Variants in MYCN observed in about 807,000 individuals in gnomAD.
MYCN encodes the protein N-myc proto-oncogene protein.
MYCN carries 3 observed loss-of-function variants against 28.1 expected under a neutral mutation model. The ratio of observed to expected loss-of-function variants is 0.11; its 90% CI spans 0.05 to 0.28. The LOEUF (loss-of-function observed/expected upper bound fraction) is 0.28, where lower values mean the gene tolerates loss of function less well. Among genes scored for constraint, MYCN ranks in the 10% least tolerant of loss-of-function variants. The probability of loss-of-function intolerance (pLI) is 1.00; values close to 1 mark genes in which losing one functional copy is unlikely to be tolerated. For missense variants in MYCN, 572 were observed against 651.4 expected, an observed-to-expected ratio of 0.88 and a Z score of 1.33; for synonymous variants, 326 against 288.3, an observed-to-expected ratio of 1.13 and a Z score of -1.32.
rs984467548 is a variant in MYCN at position 15,946,008 on chromosome 2, G to A, written c.1306G>A (p.Glu436Lys). The A allele has an allele frequency of 9.3e-6, 15 of 1,614,076 alleles. No individual in the cohort carries two copies. Among genetic ancestry groups the A allele is most frequent in the African/African-American group, 1.3e-5 (1 of 74,940 alleles). ...TGAGTATGTCCACTCCCTCCAGGCC[G>A]AGGAGCACCAGCTTTTGCTGGAAAA... ...ATEYVHSLQA[E>K]EHQLLLEKEK... Residue 436 changes from glutamate to lysine, a missense_variant, in exon 3 of 3, where the codon GAG (glutamate) becomes AAG (lysine). Glu to Lys is a moderately conservative substitution (Grantham distance 56). Around this residue, in one of 3 missense-constraint regions of MYCN, gnomAD observed 61 missense variants for 81.6 expected, o/e 0.75. Coordinates refer to ENST00000281043, the MANE Select transcript of MYCN (RefSeq NM_005378.6).
chr2:15,942,190 G>T lies in MYCN; in HGVS notation c.126G>T (p.Ser42=), dbSNP rs1175110749. 8.1e-6 allele frequency: 13 copies of T among 1,613,522 alleles called. No homozygotes were observed. The highest frequency in any genetic ancestry group is 1.1e-5 in the Non-Finnish European group (13 of 1,179,982). The change falls in exon 2 of 3, where the codon TCG becomes TCT. Residue 42 remains serine, a synonymous_variant. Transcript: ENST00000281043. This position sits in a 1 kb window ranked among gnomAD's most constrained non-coding sequence, Gnocchi z 7.0. The stretch of plus-strand genomic sequence containing the variant: ...ACTTCTACTTCGGCGGCCCCGACTC[G>T]ACCCCCCCGGGGGAGGACATCTGGA... The part of the protein sequence containing the change: ...EDDFYFGGPD[S]TPPGEDIWKK...
At position 15,945,419 on chromosome 2, in the gene MYCN, A is replaced by AT; in HGVS notation, c.791-73dup. The AT allele has an allele frequency of 6.6e-7, 1 of 1,523,046 alleles. No individual in the cohort carries two copies. The highest frequency in any genetic ancestry group is 8.9e-7 in the Non-Finnish European group (1 of 1,122,180). 94.3% of individuals were successfully genotyped at this position (1,523,046 alleles called of 1,614,324 possible). A position where few individuals can be genotyped will look rare whatever the true frequency, so the allele number is the denominator to read the frequency against. ...TGCCGGAAGAGACAGATAAGCATACATATTAACATGGATATATATGTGAAT... is the reference window on the plus strand; with the variant it reads ...TGCCGGAAGAGACAGATAAGCATACATTATTAACATGGATATATATGTGAAT... On this transcript the variant is annotated intron_variant, in intron 2 of 2. Transcript: ENST00000281043. This position sits in a 1 kb window ranked among gnomAD's most constrained non-coding sequence, Gnocchi z 4.8.
Position 15,942,727 on chromosome 2 carries a change from G to A in MYCN, c.663G>A (p.Ser221=). 7.1e-6 allele frequency: 9 copies of A among 1,267,926 alleles called. No homozygotes were observed. The highest frequency in any genetic ancestry group is 1.6e-5 in the African/African-American group (1 of 64,142). The allele number at this position is 1,267,926 out of a possible 1,614,324, so 78.5% of individuals were successfully genotyped here. Residue 221 remains serine (S), a synonymous_variant, in exon 2 of 3, where the codon TCG becomes TCA. Transcript: ENST00000281043. The surrounding 1 kb of genome is among the most constrained non-coding windows in gnomAD (Gnocchi z 7.0). ...SAPAAGPAVA[S]GAGIAAPAGA... Reference sequence around the variant, plus strand: ...CGGCGGCGGGCCCTGCGGTCGCCTCGGGGGCGGGTATTGCCGCCCCAGCCG... The same window carrying A: ...CGGCGGCGGGCCCTGCGGTCGCCTCAGGGGCGGGTATTGCCGCCCCAGCCG...
Position 15,945,814 on chromosome 2 carries a change from G to T in MYCN, c.1112G>T (p.Ser371Ile). ...ATCCCCCCAAAGGCTAAGAGCTTGA[G>T]CCCCCGAAACTCTGACTCGGAGGAC... ...SVIPPKAKSLSPRNSDSEDSE... is the reference protein window; with the variant it reads ...SVIPPKAKSLIPRNSDSEDSE... The change falls in exon 3 of 3, where the codon AGC becomes ATC. Residue 371 changes from serine (S) to isoleucine (I), a missense_variant. Transcript: ENST00000281043. This position sits in a 1 kb window ranked among gnomAD's most constrained non-coding sequence, Gnocchi z 4.8. The T allele has an allele frequency of 6.2e-7, 1 of 1,614,038 alleles. No individual in the cohort carries two copies. The highest frequency in any genetic ancestry group is 8.5e-7 in the Non-Finnish European group (1 of 1,180,042).
At position 15,941,834 on chromosome 2, in the gene MYCN, A is replaced by G; in HGVS notation, c.-117-114A>G. The stretch of plus-strand genomic sequence containing the variant: ...TCCTCCACCTTCGGGAGCAGTGGGC[A>G]GAGTGGGGGGCTTGGAGGGAAGATT... On this transcript the variant is annotated intron_variant, in intron 1 of 2. Coordinates refer to ENST00000281043, the MANE Select transcript of MYCN (RefSeq NM_005378.6). The surrounding 1 kb of genome is among the most constrained non-coding windows in gnomAD (Gnocchi z 4.8). 1.7e-6 allele frequency: 1 copy of G among 599,014 alleles called. No individual in the cohort carries two copies. Among genetic ancestry groups the G allele is most frequent in the Non-Finnish European group, 3.0e-6 (1 of 336,734 alleles). The allele number at this position is 599,014 out of a possible 1,614,324, so 37.1% of individuals were successfully genotyped here. A position where few individuals can be genotyped will look rare whatever the true frequency, so the allele number is the denominator to read the frequency against.
intron 1 of MYCN, 26 bp downstream of exon 1, chr2:15,940,769 C>G (rs977752936): frequency 2.5e-6 from 1 of 398,522 alleles, no homozygotes; most frequent in African/African-American, 2.1e-5. Context: ...TGCAAACCGC[C>G]CGGCGCCCAG....
At position 15,945,363 on chromosome 2, in the gene MYCN, G is replaced by A; in HGVS notation, c.791-130G>A. 4 of 1,031,754 alleles carry A rather than the reference G, an allele frequency of 3.9e-6. No individual in the cohort carries two copies. Among genetic ancestry groups the A allele is most frequent in the Non-Finnish European group, 5.9e-6 (4 of 680,380 alleles). The allele number at this position is 1,031,754 out of a possible 1,614,324, so 63.9% of individuals were successfully genotyped here. On this transcript the variant is annotated intron_variant, in intron 2 of 2. Transcript: ENST00000281043. This position sits in a 1 kb window ranked among gnomAD's most constrained non-coding sequence, Gnocchi z 4.8. ...CAAAACTGTCCACATCTATGTTGAT[G>A]GACCCATAAAAATAGCAGTCTGCCA...
chr2:15,941,876 G>A lies in MYCN; in HGVS notation c.-117-72G>A, dbSNP rs1176330618. On this transcript the variant is annotated intron_variant, in intron 1 of 2. Coordinates refer to ENST00000281043, the MANE Select transcript of MYCN (RefSeq NM_005378.6). The surrounding 1 kb of genome is among the most constrained non-coding windows in gnomAD (Gnocchi z 4.8). ...GGGAAGATTGGGGAACCTGGTTAGAGGGGGCGCCCATTGCCTATCCCCTCG... is the reference window on the plus strand; with the variant it reads ...GGGAAGATTGGGGAACCTGGTTAGAAGGGGCGCCCATTGCCTATCCCCTCG... 6.1e-6 allele frequency: 4 copies of A among 651,720 alleles called. No homozygotes were observed. Among genetic ancestry groups the A allele is most frequent in the South Asian group, 3.8e-5 (2 of 53,136 alleles). 40.4% of individuals were successfully genotyped at this position (651,720 alleles called of 1,614,324 possible).
intron 2 of MYCN, among the ~76,000 whole-genome samples, chr2:15,944,758 T>A (rs993068367): frequency 6.6e-6 from 1 of 152,162 alleles, no homozygotes; most frequent in Non-Finnish European, 1.5e-5. Context: ...CAAAGTGGTA[T>A]CATCCCCATT....
intron 2 of MYCN, among the ~76,000 whole-genome samples, chr2:15,944,907 T>A (rs1027045264): frequency 6.6e-6 from 1 of 152,130 alleles, no homozygotes; most frequent in African/African-American, 2.4e-5. Context: ...TGCTAAAGTC[T>A]TGAATGGAGG....
chr2:15,941,791 G>A lies in MYCN; in HGVS notation c.-117-157G>A. The A allele has an allele frequency of 8.7e-6, 5 of 576,582 alleles. No homozygotes were observed. Among genetic ancestry groups the A allele is most frequent in the Non-Finnish European group, 1.6e-5 (5 of 321,566 alleles). 35.7% of individuals were successfully genotyped at this position (576,582 alleles called of 1,614,324 possible). Reference sequence around the variant, plus strand: ...TACACAAAAGGAGGGCGGGAGGGAGGGAGCGAGAGGCACAACTTCCTCCAC... The same window carrying A: ...TACACAAAAGGAGGGCGGGAGGGAGAGAGCGAGAGGCACAACTTCCTCCAC... On this transcript the variant is annotated intron_variant, in intron 1 of 2. Transcript: ENST00000281043. This position sits in a 1 kb window ranked among gnomAD's most constrained non-coding sequence, Gnocchi z 4.8.
At chr2:15,940,886 A>G (rs1662629203) in intron 1 of MYCN, 143 bp downstream of exon 1, 4 of 397,234 alleles carry the variant, frequency 1.0e-5, no homozygotes, top group African/African-American at 2.1e-5. Context: ...AAACAAAACC[A>G]TCTCTGGGTT....
At position 15,942,503 on chromosome 2, in the gene MYCN, G is replaced by T; in HGVS notation, c.439G>T (p.Ala147Ser). ...GRGPPTAGST[A>S]QSPGAGAASP... ...CGGGCCGCCAACCGCCGGTTCCACC[G>T]CCCAGTCCCCGGGAGCCGGCGCCGC... The change falls in exon 2 of 3, where the codon GCC becomes TCC. Residue 147 changes from alanine to serine, a missense_variant. By Grantham distance (99) the Ala-to-Ser change is moderately conservative. This residue lies in a region of MYCN where 499 missense variants were observed against 524.3 expected (regional missense o/e 0.95). Coordinates refer to ENST00000281043, the MANE Select transcript of MYCN (RefSeq NM_005378.6). This position sits in a 1 kb window ranked among gnomAD's most constrained non-coding sequence, Gnocchi z 7.0. 1.3e-6 allele frequency: 2 copies of T among 1,516,346 alleles called. No homozygotes were observed. The highest frequency in any genetic ancestry group is 8.8e-7 in the Non-Finnish European group (1 of 1,139,626). The allele number at this position is 1,516,346 out of a possible 1,614,324, so 93.9% of individuals were successfully genotyped here.
rs774440495 is a variant in MYCN, at chr2:15,943,050, C to T, written c.790+196C>T. 2.6e-5 allele frequency among the ~76,000 whole-genome samples: 4 copies of T among 152,344 alleles called. No individual in the cohort carries two copies. The South Asian group carries it at 8.3e-4, about 32-fold the overall frequency. ...AGAGAATGCCGTTGCAAAAGGGGTG[C>T]TCTCCAATTCTCGCCTTCACTAAAG... On this transcript the variant is annotated intron_variant, in intron 2 of 2. Transcript: ENST00000281043.
rs1662849522 is a variant in MYCN, at chr2:15,945,752, A to G, written c.1050A>G (p.Ile350Met). The G allele has an allele frequency of 1.2e-6, 2 of 1,614,008 alleles. No homozygotes were observed. The highest frequency in any genetic ancestry group is 2.2e-5 in the East Asian group (1 of 44,890). ...AGGATGCACCCCCACAGAAGAAGATAAAGAGCGAGGCGTCCCCACGTCCGC... is the reference window on the plus strand; with the variant it reads ...AGGATGCACCCCCACAGAAGAAGATGAAGAGCGAGGCGTCCCCACGTCCGC... ...ESEDAPPQKK[I>M]KSEASPRPLK... The change falls in exon 3 of 3, where the codon ATA becomes ATG. Residue 350 changes from isoleucine (I) to methionine (M), a missense_variant. Transcript: ENST00000281043. The surrounding 1 kb of genome is among the most constrained non-coding windows in gnomAD (Gnocchi z 4.8).
rs1384938182 is a variant in MYCN at position 15,941,368 on chromosome 2, G to C, written c.-117-580G>C. On this transcript the variant is annotated intron_variant, in intron 1 of 2. Transcript: ENST00000281043. This position sits in a 1 kb window ranked among gnomAD's most constrained non-coding sequence, Gnocchi z 4.8. Reference sequence around the variant, plus strand: ...AGCGGGTGAATGCCGAGGGGCGTTTGCTCAAATTTGGGGAGGGGAAGGATT... The same window carrying C: ...AGCGGGTGAATGCCGAGGGGCGTTTCCTCAAATTTGGGGAGGGGAAGGATT... 3 of 152,656 alleles carry C rather than the reference G, an allele frequency of 2.0e-5. No homozygotes were observed. The highest frequency in any genetic ancestry group is 7.2e-5 in the African/African-American group (3 of 41,482). The allele number at this position is 152,656 out of a possible 1,614,324, so 9.5% of individuals were successfully genotyped here.
At position 15,942,947 on chromosome 2, in the gene MYCN, A is replaced by G; in HGVS notation, c.790+93A>G. The stretch of plus-strand genomic sequence containing the variant: ...AGTGCTCGTATGTCTTGGCCTGGGG[A>G]GCATTTTGGAGGCAGTGCTAGGGGC... On this transcript the variant is annotated intron_variant, in intron 2 of 2. Coordinates refer to ENST00000281043, the MANE Select transcript of MYCN (RefSeq NM_005378.6). The surrounding 1 kb of genome is among the most constrained non-coding windows in gnomAD (Gnocchi z 7.0). 2 of 1,442,998 alleles carry G rather than the reference A, an allele frequency of 1.4e-6. No individual in the cohort carries two copies. The highest frequency in any genetic ancestry group is 1.9e-6 in the Non-Finnish European group (2 of 1,080,928). 89.4% of individuals were successfully genotyped at this position (1,442,998 alleles called of 1,614,324 possible).
At chr2:15,943,204 G>A (rs571691834) in intron 2 of MYCN, among the ~76,000 whole-genome samples, 1 of 152,242 alleles carries the variant, frequency 6.6e-6, no homozygotes, top group Admixed American at 6.5e-5. Context: ...ACCGGGTGGG[G>A]GTTTAGGGGG....
Position 15,941,702 on chromosome 2 carries a change from C to T in MYCN, c.-117-246C>T, listed in dbSNP as rs1176027304. 1 of 394,350 alleles carries T rather than the reference C, an allele frequency of 2.5e-6. No individual in the cohort carries two copies. The highest frequency in any genetic ancestry group is 3.0e-5 in the South Asian group (1 of 33,016). 24.4% of individuals were successfully genotyped at this position (394,350 alleles called of 1,614,324 possible). The stretch of plus-strand genomic sequence containing the variant: ...AATGAAATGGCAGTTTCCAAAGTTG[C>T]GGAGCCTCGCCACCACCCCCTGCAT... On this transcript the variant is annotated intron_variant, in intron 1 of 2. Transcript: ENST00000281043. The surrounding 1 kb of genome is among the most constrained non-coding windows in gnomAD (Gnocchi z 4.8).
Sources: gnomAD v4.1 joint callset for allele counts (sites outside exome capture counted in the v4.1 genomes callset) on GRCh38, gnomAD v4.1.1 for gene constraint, gnomAD v4.1.1 regional missense constraint, Gnocchi (gnomAD v3.1) non-coding constraint, MANE v1.5 for transcripts, NCBI Gene and HGNC (gene_info 2026-07-23, HGNC 2026-07-21) for gene names.